The following KCNH5 variants were observed in gnomAD, a reference collection of about 807,000 sequenced individuals.
KCNH5 encodes the protein voltage-gated delayed rectifier potassium channel KCNH5.
KCNH5 carries 46 observed loss-of-function variants against 96.1 expected under a neutral mutation model. That is an observed-to-expected ratio of 0.48 (90% CI 0.38 to 0.61). The LOEUF is 0.61. Among genes scored for constraint, KCNH5 ranks in the 20% least tolerant of loss-of-function variants. The probability of loss-of-function intolerance (pLI) is 0.00; values close to 1 mark genes in which losing one functional copy is unlikely to be tolerated. For missense variants in KCNH5, 907 were observed against 1,225.8 expected, an observed-to-expected ratio of 0.74 and a Z score of 3.88; for synonymous variants, 439 against 449.8, an observed-to-expected ratio of 0.98 and a Z score of 0.30.
chr14:63,033,212 A>G (rs1158241339), intron 1 of KCNH5, among the ~76,000 whole-genome samples: 1 of 152,164 alleles, frequency 6.6e-6, no homozygotes, highest in Non-Finnish European at 1.5e-5. Flanking sequence ...CCACTGCACT[A>G]GGAATAAAAC....
At chr14:63,030,640 T>G (rs1253081708) in intron 1 of KCNH5, among the ~76,000 whole-genome samples, 1 of 152,146 alleles carries the variant, frequency 6.6e-6, no homozygotes, top group African/African-American at 2.4e-5. Flanking sequence ...CTGTTTTAAT[T>G]GGTCTTGAGT....
intron 7 of KCNH5, among the ~76,000 whole-genome samples, chr14:62,856,700 G>A (rs1188713795): frequency 1.3e-5 from 2 of 151,940 alleles, no homozygotes; most frequent in Non-Finnish European, 2.9e-5. Flanking sequence ...ATGGCTCCTG[G>A]CTTCGCTGGA....
intron 7 of KCNH5, among the ~76,000 whole-genome samples, chr14:62,864,182 T>A (rs1566686532): frequency 6.6e-6 from 1 of 152,182 alleles, no homozygotes; most frequent in African/African-American, 2.4e-5. Context: ...GAAGCAAATT[T>A]TTTAAAAAGT....
chr14:63,005,394 G>C (rs569273313), intron 3 of KCNH5, among the ~76,000 whole-genome samples: 2 of 152,284 alleles, frequency 1.3e-5, no homozygotes, highest in South Asian at 4.1e-4. Flanking sequence ...TCAAGTAAAT[G>C]GAGAGGATAA....
At chr14:62,862,565 C>A (rs1888058925) in intron 7 of KCNH5, among the ~76,000 whole-genome samples, 1 of 152,146 alleles carries the variant, frequency 6.6e-6, no homozygotes, top group Non-Finnish European at 1.5e-5. Context: ...TCTTCCCTAG[C>A]TTTGTAAATT....
At chr14:62,929,051 G>A (rs75651291) in intron 7 of KCNH5, among the ~76,000 whole-genome samples, 2,031 of 152,054 alleles carry the variant, frequency 0.013, 60 homozygotes, top group African/African-American at 0.046. Flanking sequence ...TCTATGCAGC[G>A]TCTCAAACTT....
intron 6 of KCNH5, among the ~76,000 whole-genome samples, chr14:62,979,491 G>A (rs1890566106): frequency 6.6e-6 from 1 of 151,810 alleles, no homozygotes; most frequent in Non-Finnish European, 1.5e-5. Flanking sequence ...AAAAGTCACT[G>A]AAGAAAAGTT....
At chr14:63,006,262 C>T in intron 3 of KCNH5, 104 bp downstream of exon 3, 1 of 539,426 alleles carries the variant, frequency 1.9e-6, no homozygotes, top group East Asian at 3.1e-5. Context: ...AGAAAAGAAG[C>T]AACAGAAGGT....
chr14:62,841,186 C>T (rs932779762), intron 8 of KCNH5, among the ~76,000 whole-genome samples: 8 of 151,462 alleles, frequency 5.3e-5, no homozygotes, highest in South Asian at 2.1e-4. Context: ...AAATAACAAA[C>T]GCAGTCAAAT....
intron 1 of KCNH5, among the ~76,000 whole-genome samples, chr14:63,042,837 C>T (rs1891851553): frequency 6.6e-6 from 1 of 152,134 alleles, no homozygotes; most frequent in South Asian, 2.1e-4. Flanking sequence ...GGTACTGAGA[C>T]TTTTCAGTAT....
At chr14:62,762,009 T>C (rs543446800) in intron 10 of KCNH5, among the ~76,000 whole-genome samples, 1 of 151,956 alleles carries the variant, frequency 6.6e-6, no homozygotes, top group Non-Finnish European at 1.5e-5. Context: ...AGGTGTGGAG[T>C]GGACCATTCT....
At chr14:62,713,320 C>T (rs1308414479) in intron 10 of KCNH5, among the ~76,000 whole-genome samples, 1 of 152,124 alleles carries the variant, frequency 6.6e-6, no homozygotes, top group African/African-American at 2.4e-5. Context: ...GTCTACTCCT[C>T]ATTTGGAAGC....
At chr14:62,787,526 TGACTA>T (rs1394961487) in intron 9 of KCNH5, among the ~76,000 whole-genome samples, 11 of 152,174 alleles carry the variant, frequency 7.2e-5, no homozygotes, top group African/African-American at 2.4e-4. Flanking sequence ...CTGATGAAGG[TGACTA>T]GACTAGACAA....
chr14:62,920,657 T>A (rs1044826821), intron 7 of KCNH5, among the ~76,000 whole-genome samples: 4 of 152,110 alleles, frequency 2.6e-5, no homozygotes, highest in Admixed American at 2.0e-4. Flanking sequence ...TGATTTAGGG[T>A]ATGTTTGTAT....
rs1884355947 is a variant in KCNH5 at position 62,702,046 on chromosome 14, A to C, written c.*5462T>G. ...CCAAATCCCACTATTAAAAAGAAAA[A>C]GAAATTATAGAAAAAAAATCCTGAA... On this transcript the variant is annotated 3_prime_UTR_variant, in exon 11 of 11. Transcript: ENST00000322893. 1 of 152,124 alleles carries C rather than the reference A, an allele frequency of 6.6e-6. No individual in the cohort carries two copies. Among genetic ancestry groups the C allele is most frequent in the Admixed American group, 6.6e-5 (1 of 15,264 alleles). The allele number at this position is 152,124 out of a possible 1,614,324, so 9.4% of individuals were successfully genotyped here.
At chr14:62,906,501 G>C (rs1889030475) in intron 7 of KCNH5, among the ~76,000 whole-genome samples, 1 of 151,932 alleles carries the variant, frequency 6.6e-6, no homozygotes, top group Non-Finnish European at 1.5e-5. Flanking sequence ...ACTATTCACA[G>C]GTTTCCATTA....
At chr14:62,861,425 A>G (rs1888030118) in intron 7 of KCNH5, among the ~76,000 whole-genome samples, 1 of 152,004 alleles carries the variant, frequency 6.6e-6, no homozygotes, top group Non-Finnish European at 1.5e-5. Flanking sequence ...ATGTGCCAAC[A>G]CACCTGGCTC....
intron 7 of KCNH5, among the ~76,000 whole-genome samples, chr14:62,925,228 A>G (rs1176275249): frequency 6.6e-6 from 1 of 152,012 alleles, no homozygotes; most frequent in Non-Finnish European, 1.5e-5. Flanking sequence ...TACAATATAA[A>G]TTACTGTTTA....
Position 62,732,731 on chromosome 14 carries a change from G to A in KCNH5, c.2020-24276C>T, listed in dbSNP as rs141310916. On this transcript the variant is annotated intron_variant, in intron 10 of 10. Transcript: ENST00000322893. ...GTGTGACCAATGGGAAGCACTAGAAGAAAATATAAGGTAGAAAGGAAAGTG... is the reference window on the plus strand; with the variant it reads ...GTGTGACCAATGGGAAGCACTAGAAAAAAATATAAGGTAGAAAGGAAAGTG... 2.3e-3 allele frequency among the ~76,000 whole-genome samples: 345 copies of A among 152,222 alleles called. 1 individual carries two copies. The highest frequency in any genetic ancestry group is 7.9e-3 in the African/African-American group (327 of 41,538).
Sources: gnomAD v4.1 joint callset for allele counts (sites outside exome capture counted in the v4.1 genomes callset) on GRCh38, gnomAD v4.1.1 for gene constraint, MANE v1.5 for transcripts, NCBI Gene and HGNC (gene_info 2026-07-23, HGNC 2026-07-21) for gene names.